The following FAM135B variants were observed in gnomAD, a reference collection of about 807,000 sequenced individuals.
FAM135B encodes family with sequence similarity 135 member B.
Under a neutral mutation model 127.7 loss-of-function variants are expected in FAM135B, and 43 were observed. That is an observed-to-expected ratio of 0.34 (90% CI 0.26 to 0.43). The LOEUF is 0.43. Among genes scored for constraint, FAM135B ranks in the 20% least tolerant of loss-of-function variants. The pLI is 1.00. For synonymous variants in FAM135B, 670 were observed against 665.1 expected (o/e 1.01, Z -0.11); for missense variants, 1,558 against 1,725.6 (o/e 0.90, Z 1.72).
In FAM135B at chr8:138,151,770, T is replaced by C. The variant is rs1219860429; in HGVS notation, c.2705A>G (p.Glu902Gly). 2 of 1,614,182 alleles carry C rather than the reference T, an allele frequency of 1.2e-6. No individual in the cohort carries two copies. The highest frequency in any genetic ancestry group is 1.7e-6 in the Non-Finnish European group (2 of 1,180,040). The change falls in exon 13 of 20, where the codon GAA (glutamate) becomes GGA (glycine). Residue 902 changes from glutamate to glycine, a missense_variant. By Grantham distance (98) the Glu-to-Gly change is moderately conservative (BLOSUM62 -2). Around this residue, in one of 5 missense-constraint regions of FAM135B, gnomAD observed 923 missense variants for 865.3 expected, o/e 1.07. Transcript: ENST00000395297. ...GTCTTTAGGCATGCCCTTTGGGGTTTCCTCAAGTGCTCTATGAAGAGATCT... is the reference window on the plus strand; with the variant it reads ...GTCTTTAGGCATGCCCTTTGGGGTTCCCTCAAGTGCTCTATGAAGAGATCT... Reference protein sequence around the residue: ...RTRSLHRALEETPKGMPKDLN... With the variant: ...RTRSLHRALEGTPKGMPKDLN...
chr8:138,445,368 C>G (rs1312241231), intron 1 of FAM135B, among the ~76,000 whole-genome samples: 1 of 152,112 alleles, frequency 6.6e-6, no homozygotes, highest in African/African-American at 2.4e-5. Flanking sequence ...AATTTTAGAC[C>G]AATATCCTTG....
At chr8:138,135,971 G>A (rs1348349514) in intron 19 of FAM135B, among the ~76,000 whole-genome samples, 4 of 151,992 alleles carry the variant, frequency 2.6e-5, no homozygotes, top group Admixed American at 6.6e-5. Context: ...CGAAAAGTAG[G>A]TAGTGATAGA....
chr8:138,300,940 C>G (rs1037587367), intron 3 of FAM135B, among the ~76,000 whole-genome samples: 1 of 151,836 alleles, frequency 6.6e-6, no homozygotes, highest in African/African-American at 2.4e-5. Context: ...TTAGTAAGGG[C>G]GGGGTTTCAC....
chr8:138,154,568 A>G (rs555284147), intron 12 of FAM135B, among the ~76,000 whole-genome samples: 17 of 152,280 alleles, frequency 1.1e-4, no homozygotes, highest in Non-Finnish European at 2.5e-4. Flanking sequence ...CAAATGGCTA[A>G]CTAGAATAAA....
intron 7 of FAM135B, among the ~76,000 whole-genome samples, chr8:138,233,585 T>C (rs1820056542): frequency 6.6e-6 from 1 of 152,156 alleles, no homozygotes; most frequent in African/African-American, 2.4e-5. Context: ...ATAAGGGGAA[T>C]GCTTCATGAC....
At chr8:138,396,297 T>C (rs1033044284) in intron 1 of FAM135B, among the ~76,000 whole-genome samples, 1 of 152,120 alleles carries the variant, frequency 6.6e-6, no homozygotes, top group Non-Finnish European at 1.5e-5. Flanking sequence ...GCAGGCTGCA[T>C]AGACATAAAG....
chr8:138,257,199 AGGCATCCTCTCAG>A (rs1159826359), intron 4 of FAM135B, among the ~76,000 whole-genome samples: 1 of 152,144 alleles, frequency 6.6e-6, no homozygotes, highest in Non-Finnish European at 1.5e-5. Flanking sequence ...TCTAACCCTC[AGGCATCCTCTCAG>A]GGCAGGCACC....
intron 2 of FAM135B, among the ~76,000 whole-genome samples, chr8:138,357,569 T>C (rs1830170445): frequency 6.6e-6 from 1 of 152,084 alleles, no homozygotes; most frequent in African/African-American, 2.4e-5. Flanking sequence ...ACTATAAACA[T>C]ACACAGATAC....
At position 138,141,608 on chromosome 8, in the gene FAM135B, C is replaced by T. The variant is rs35860806; in HGVS notation, c.3639-259G>A. ...TGTGGGCATTTCAGCCAGCTTCATG[C>T]TGCTAGAGCAGCCTGCTTTAATTCC... On this transcript the variant is annotated intron_variant, in intron 16 of 19. Coordinates refer to ENST00000395297, the MANE Select transcript of FAM135B (RefSeq NM_015912.4). This position sits in a 1 kb window ranked among gnomAD's most constrained non-coding sequence, Gnocchi z 4.7. Among the ~76,000 whole-genome samples the T allele has an allele frequency of 6.6e-6, 1 of 152,220 alleles. No individual in the cohort carries two copies. The highest frequency in any genetic ancestry group is 2.1e-4 in the South Asian group (1 of 4,832).
intron 3 of FAM135B, among the ~76,000 whole-genome samples, chr8:138,286,698 T>A (rs1384398695): frequency 2.0e-5 from 3 of 152,172 alleles, no homozygotes; most frequent in African/African-American, 7.2e-5. Flanking sequence ...TGGTGCCATT[T>A]TAAGGCCCAA....
chr8:138,408,649 A>G (rs552422847), intron 1 of FAM135B, among the ~76,000 whole-genome samples: 4 of 152,276 alleles, frequency 2.6e-5, no homozygotes, highest in Admixed American at 1.3e-4. Context: ...GAAACTTACA[A>G]TCATGGCAGA....
intron 1 of FAM135B, among the ~76,000 whole-genome samples, chr8:138,489,519 A>G (rs1003689236): frequency 1.1e-4 from 17 of 152,102 alleles, no homozygotes; most frequent in African/African-American, 3.9e-4. Context: ...TCTCCAATGC[A>G]TTCTTTATAT....
At chr8:138,460,037 G>C (rs996124777) in intron 1 of FAM135B, among the ~76,000 whole-genome samples, 4 of 152,156 alleles carry the variant, frequency 2.6e-5, no homozygotes, top group Non-Finnish European at 4.4e-5. Context: ...GAATAAGGCC[G>C]GCCCATAGGA....
chr8:138,327,728 A>T (rs1277153805), intron 2 of FAM135B, among the ~76,000 whole-genome samples: 1 of 152,228 alleles, frequency 6.6e-6, no homozygotes, highest in Non-Finnish European at 1.5e-5. Flanking sequence ...TTACAGTCTA[A>T]CAGAGAACAA....
chr8:138,417,164 T>G (rs953175019), intron 1 of FAM135B, among the ~76,000 whole-genome samples: 1 of 152,216 alleles, frequency 6.6e-6, no homozygotes, highest in Non-Finnish European at 1.5e-5. Flanking sequence ...CTTGATTGAC[T>G]GACAGACCTG....
chr8:138,138,947 C>G, intron 18 of FAM135B, 39 bp downstream of exon 18: 1 of 1,275,464 alleles, frequency 7.8e-7, no homozygotes, highest in Non-Finnish European at 1.1e-6. Context: ...GAATCCCAAG[C>G]TCAAACTCAT....
chr8:138,341,523 G>A lies in FAM135B; in HGVS notation c.77+26384C>T, dbSNP rs369738198. 1.5e-3 allele frequency among the ~76,000 whole-genome samples: 27 copies of A among 18,548 alleles called. No individual in the cohort carries two copies. In the East Asian group the frequency reaches 0.039, roughly 27 times the overall value. 12.2% of individuals were successfully genotyped at this position (18,548 alleles called of 152,430 possible). ...ATCATGGTGATGGTTCCACAACAAT[G>A]TGAATGTACTTATGAAGACCAAAGA... On this transcript the variant is annotated intron_variant, in intron 2 of 19. Coordinates refer to ENST00000395297, the MANE Select transcript of FAM135B (RefSeq NM_015912.4).
chr8:138,226,228 T>C (rs1355653871), intron 7 of FAM135B, among the ~76,000 whole-genome samples: 1 of 150,360 alleles, frequency 6.7e-6, no homozygotes, highest in East Asian at 2.0e-4. Flanking sequence ...CAAACAAATA[T>C]TGAGCATTAG....
intron 19 of FAM135B, among the ~76,000 whole-genome samples, chr8:138,134,478 A>G (rs1816463807): frequency 6.6e-6 from 1 of 152,172 alleles, no homozygotes; most frequent in Admixed American, 6.5e-5. Context: ...CCTGGAGGCA[A>G]TCACTGGTAT....
Sources: gnomAD v4.1 joint callset for allele counts (sites outside exome capture counted in the v4.1 genomes callset) on GRCh38, gnomAD v4.1.1 for gene constraint, gnomAD v4.1.1 regional missense constraint, Gnocchi (gnomAD v3.1) non-coding constraint, MANE v1.5 for transcripts, NCBI Gene and HGNC (gene_info 2026-07-23, HGNC 2026-07-21) for gene names.